BAZ1A: variants seen among roughly 807,000 people sequenced by gnomAD.
BAZ1A encodes the protein bromodomain adjacent to zinc finger domain protein 1A.
Under a neutral mutation model 185.2 loss-of-function variants are expected in BAZ1A, and 50 were observed. That is an observed-to-expected ratio of 0.27 (90% CI 0.22 to 0.34). The LOEUF is 0.34. BAZ1A is among the 10% of genes least tolerant of loss of function. BAZ1A has a pLI of 1.00. For synonymous variants in BAZ1A, 571 were observed against 615.6 expected (o/e 0.93, Z 1.07); for missense variants, 1,356 against 1,839.9 (o/e 0.74, Z 4.81).
intron 2 of BAZ1A, among the ~76,000 whole-genome samples, chr14:34,870,449 A>C (rs954001065): frequency 6.6e-6 from 1 of 152,172 alleles, no homozygotes; most frequent in African/African-American, 2.4e-5. Flanking sequence ...TTCACACATA[A>C]CTGACCATTA....
At position 34,863,152 on chromosome 14, in the gene BAZ1A, C is replaced by CATTTTT. The variant is rs1566603150; in HGVS notation, c.114-831_114-830insAAAAAT. On this transcript the variant is annotated intron_variant, in intron 2 of 26. Transcript: ENST00000360310. ...TACAGGTGCCCGCCACCACGCTCGGCTTTTTTTTTTTTTTTTTTTTTTTTT... is the reference window on the plus strand; with the variant it reads ...TACAGGTGCCCGCCACCACGCTCGGCATTTTTTTTTTTTTTTTTTTTTTTTTTTTTT... Among the ~76,000 whole-genome samples the CATTTTT allele has an allele frequency of 4.5e-5, 2 of 44,690 alleles. 1 individual carries two copies. The allele number at this position is 44,690 out of a possible 152,430, so 29.3% of individuals were successfully genotyped here.
At chr14:34,778,811 C>G (rs2138594602) in intron 17 of BAZ1A, among the ~76,000 whole-genome samples, 1 of 152,260 alleles carries the variant, frequency 6.6e-6, no homozygotes, top group East Asian at 1.9e-4. Flanking sequence ...GTTTGTCTTT[C>G]TCAGACAAAC....
chr14:34,839,054 A>G (rs1375219318), intron 3 of BAZ1A, among the ~76,000 whole-genome samples: 1 of 152,222 alleles, frequency 6.6e-6, no homozygotes, highest in Admixed American at 6.5e-5. Context: ...GGAAGAGAAT[A>G]AAGTCCAGAA....
chr14:34,822,957 A>ACATT (rs2042109458), intron 4 of BAZ1A, among the ~76,000 whole-genome samples: 1 of 152,212 alleles, frequency 6.6e-6, no homozygotes, highest in Admixed American at 6.6e-5. Flanking sequence ...AAAGAAAGGG[A>ACATT]CATTCATGAG....
At chr14:34,799,067 A>G (rs888107676) in intron 9 of BAZ1A, among the ~76,000 whole-genome samples, 2 of 152,020 alleles carry the variant, frequency 1.3e-5, no homozygotes, top group Admixed American at 6.6e-5. Context: ...AAAAAGGATG[A>G]GTTCATGTCC....
At chr14:34,788,282 G>A (rs1283224462) in intron 12 of BAZ1A, among the ~76,000 whole-genome samples, 2 of 151,878 alleles carry the variant, frequency 1.3e-5, no homozygotes, top group Non-Finnish European at 2.9e-5. Context: ...GATTACAAGC[G>A]TGAACCACCA....
At chr14:34,788,325 A>C (rs1880623656) in intron 12 of BAZ1A, among the ~76,000 whole-genome samples, 1 of 151,558 alleles carries the variant, frequency 6.6e-6, no homozygotes. Flanking sequence ...TCTTTTTGAG[A>C]CAGGGTTTGA....
At position 34,791,393 on chromosome 14, in the gene BAZ1A, TATC is replaced by T. The variant is rs1184074668; in HGVS notation, c.1510+1379_1510+1381del. Among the ~76,000 whole-genome samples the T allele has an allele frequency of 2.6e-5, 4 of 152,302 alleles. No homozygotes were observed. The East Asian group carries it at 5.8e-4, about 22-fold the overall frequency. On this transcript the variant is annotated intron_variant, in intron 12 of 26. Transcript: ENST00000360310. ...TAATAAATATAATAGCTAAAAGAAT[TATC>T]ATTTAATTGACTAAATTATCTGAGG... is the stretch of plus-strand genomic sequence containing the variant.
rs368815964 is a variant in BAZ1A, at chr14:34,784,367, CAAAAAAAAAAA to C, written c.1832-451_1832-441del. Among the ~76,000 whole-genome samples the C allele has an allele frequency of 2.0e-3, 154 of 77,180 alleles. 3 individuals carry two copies. The highest frequency in any genetic ancestry group is 4.9e-3 in the African/African-American group (81 of 16,422). 50.6% of individuals were successfully genotyped at this position (77,180 alleles called of 152,430 possible). ...TGGGCAACTGAGTGAGACTCTGTCT[CAAAAAAAAAAA>C]AAAAAAAAAAAAAAAAAGGCAACTT... On this transcript the variant is annotated intron_variant, in intron 14 of 26. Transcript: ENST00000360310.
chr14:34,862,784 TAA>T (rs35545761), intron 2 of BAZ1A, among the ~76,000 whole-genome samples: 8 of 140,398 alleles, frequency 5.7e-5, no homozygotes, highest in Admixed American at 2.9e-4. Context: ...ATTTGTGTTA[TAA>T]AAAAAAAAAA....
chr14:34,817,333 A>T (rs925767060), intron 4 of BAZ1A, among the ~76,000 whole-genome samples: 4 of 152,190 alleles, frequency 2.6e-5, no homozygotes, highest in African/African-American at 4.8e-5. Flanking sequence ...CATGCCTGTA[A>T]TCTCGGCACT....
chr14:34,794,725 G>A, intron 11 of BAZ1A, 24 bp downstream of exon 11: 2 of 1,598,626 alleles, frequency 1.3e-6, no homozygotes, highest in Non-Finnish European at 1.7e-6. Flanking sequence ...CTATAATGTA[G>A]CAATAGATAA....
chr14:34,861,920 G>A, intron 3 of BAZ1A, 124 bp downstream of exon 3: 1 of 1,108,648 alleles, frequency 9.0e-7, no homozygotes, highest in Non-Finnish European at 1.3e-6. Context: ...GGCTATCTGT[G>A]GGTTAACAGA....
intron 21 of BAZ1A, among the ~76,000 whole-genome samples, chr14:34,766,559 C>G (rs1293000908): frequency 1.3e-5 from 2 of 152,074 alleles, no homozygotes; most frequent in African/African-American, 4.8e-5. Flanking sequence ...AGAGTGGAAA[C>G]AGGCACTACA....
intron 11 of BAZ1A, 51 bp downstream of exon 11, chr14:34,794,698 A>C: frequency 6.4e-7 from 1 of 1,562,110 alleles, no homozygotes; most frequent in Non-Finnish European, 8.7e-7. Flanking sequence ...TTTTAAAGCC[A>C]CTAATTTTAG....
At chr14:34,871,852 C>CA (rs2042953762) in intron 2 of BAZ1A, among the ~76,000 whole-genome samples, 1 of 152,208 alleles carries the variant, frequency 6.6e-6, no homozygotes, top group Non-Finnish European at 1.5e-5. Flanking sequence ...GCCTGGGCGA[C>CA]AGGGTGAGAC....
chr14:34,778,370 GAATTA>G (rs1342276777), intron 17 of BAZ1A, among the ~76,000 whole-genome samples: 1 of 152,204 alleles, frequency 6.6e-6, no homozygotes, highest in African/African-American at 2.4e-5. Flanking sequence ...CAGTATGTTG[GAATTA>G]AATTTCTCTG....
At position 34,813,998 on chromosome 14, in the gene BAZ1A, G is replaced by A. The variant is rs531180066; in HGVS notation, c.537-2962C>T. Among the ~76,000 whole-genome samples the A allele has an allele frequency of 4.7e-5, 7 of 149,498 alleles. No homozygotes were observed. In the South Asian group the frequency reaches 1.0e-3, roughly 22 times the overall value. ...GCAGAGGTTGCAGTGAGCCGAGGTC[G>A]CACCACTGTACTCCAGCCTGGGCAA... On this transcript the variant is annotated intron_variant, in intron 4 of 26. Coordinates refer to ENST00000360310, the MANE Select transcript of BAZ1A (RefSeq NM_013448.3).
intron 2 of BAZ1A, among the ~76,000 whole-genome samples, chr14:34,865,432 G>A (rs1005329124): frequency 7.3e-5 from 11 of 151,626 alleles, no homozygotes; most frequent in African/African-American, 1.9e-4. Context: ...TACTTCTCCC[G>A]TCATTCTAAA....
Sources: allele counts gnomAD v4.1 joint callset (sites outside exome capture counted in the v4.1 genomes callset), GRCh38; gene constraint gnomAD v4.1.1; transcripts MANE v1.5; gene names NCBI Gene and HGNC (gene_info 2026-07-23, HGNC 2026-07-21).